The following RSPO1 variants were observed in gnomAD, a reference collection of about 807,000 sequenced individuals.
The protein encoded by RSPO1 is R-spondin-1.
A neutral mutation model predicts 26.0 loss-of-function variants in RSPO1; 18 were observed. The ratio of observed to expected loss-of-function variants is 0.69; its 90% confidence interval spans 0.48 to 1.03. The LOEUF (loss-of-function observed/expected upper bound fraction) is 1.03. Ranked by LOEUF, RSPO1 falls within the 50% of genes least tolerant of loss-of-function variation. The pLI is 0.00. For synonymous variants in RSPO1, 133 were observed against 137.4 expected, an observed-to-expected ratio of 0.97 and a Z score of 0.22; for missense variants, 309 against 352.3, an observed-to-expected ratio of 0.88 and a Z score of 0.98.
intron 3 of RSPO1, among the ~76,000 whole-genome samples, chr1:37,627,681 A>G (rs968097027): frequency 6.6e-6 from 1 of 151,784 alleles, no homozygotes; most frequent in Non-Finnish European, 1.5e-5. Flanking sequence ...AAACAAAACA[A>G]AACAAAACAA....
At position 37,613,989 on chromosome 1, in the gene RSPO1, T is replaced by G. The variant is rs1644068626; in HGVS notation, c.437-97A>C. On this transcript the variant is annotated intron_variant, in intron 5 of 6. Transcript: ENST00000356545. The surrounding 1 kb of genome is among the most constrained non-coding windows in gnomAD (Gnocchi z 4.5). ...TAGCCCAGGGGAGCATCTCCCACTT[T>G]CCTTCTGCCTGGACCTGAGGCTGCA... The G allele has an allele frequency of 1.1e-5, 16 of 1,440,132 alleles. No individual in the cohort carries two copies. Among genetic ancestry groups the G allele is most frequent in the Admixed American group, 1.7e-5 (1 of 58,460 alleles). The allele number at this position is 1,440,132 out of a possible 1,614,324, so 89.2% of individuals were successfully genotyped here. A position where few individuals can be genotyped will look rare whatever the true frequency, so the allele number is the denominator to read the frequency against.
chr1:37,630,819 C>A (rs747006695), intron 2 of RSPO1, among the ~76,000 whole-genome samples: 1 of 152,218 alleles, frequency 6.6e-6, no homozygotes, highest in African/African-American at 2.4e-5. Flanking sequence ...GGCCTGCCCA[C>A]GCACACCCCA....
chr1:37,622,595 G>A (rs773633565), intron 3 of RSPO1, among the ~76,000 whole-genome samples: 8 of 152,228 alleles, frequency 5.3e-5, no homozygotes, highest in Non-Finnish European at 1.0e-4. Flanking sequence ...CAACAGCTAG[G>A]CAAGAGGAAG....
Position 37,613,771 on chromosome 1 carries a change from G to C in RSPO1, c.558C>G (p.Asp186Glu), listed in dbSNP as rs1289033140. ...CCTTGGTGTCAGAGCAGGCAGCATG[G>C]TCCCCCACAGGGGCATGTAGCACCC... ...TRRVLHAPVG[D>E]HAACSDTKET... Residue 186 changes from aspartate (D) to glutamate (E), a missense_variant, in exon 6 of 7, where the codon GAC becomes GAG. Coordinates refer to ENST00000356545, the MANE Select transcript of RSPO1 (RefSeq NM_001242908.2). This position sits in a 1 kb window ranked among gnomAD's most constrained non-coding sequence, Gnocchi z 4.5. 6.2e-7 allele frequency: 1 copy of C among 1,613,970 alleles called. No homozygotes were observed. Among genetic ancestry groups the C allele is most frequent in the Non-Finnish European group, 8.5e-7 (1 of 1,179,968 alleles).
Position 37,622,207 on chromosome 1 carries a change from G to A in RSPO1, c.95-5532C>T, listed in dbSNP as rs146120046. Among the ~76,000 whole-genome samples, 118 of 152,304 alleles carry A rather than the reference G, an allele frequency of 7.7e-4. 1 individual carries two copies. The highest frequency in any genetic ancestry group is 2.7e-3 in the African/African-American group (112 of 41,566). The stretch of plus-strand genomic sequence containing the variant: ...ACTCAGAAGAGAGAGGCATCAACAC[G>A]ACAATTGCTTCTGAGATGTCATGTG... On this transcript the variant is annotated intron_variant, in intron 3 of 6. Transcript: ENST00000356545.
chr1:37,613,368 C>T lies in RSPO1; in HGVS notation c.625+336G>A, dbSNP rs1017308478. ...AGGCTGTGTGACTTTGGTGGAATCA[C>T]TACACCCCTCTGGGTCTTAGTGCCC... On this transcript the variant is annotated intron_variant, in intron 6 of 6. Coordinates refer to ENST00000356545, the MANE Select transcript of RSPO1 (RefSeq NM_001242908.2). The surrounding 1 kb of genome is among the most constrained non-coding windows in gnomAD (Gnocchi z 4.5). Among the ~76,000 whole-genome samples the T allele has an allele frequency of 1.3e-5, 2 of 152,254 alleles. No individual in the cohort carries two copies. The highest frequency in any genetic ancestry group is 6.5e-5 in the Admixed American group (1 of 15,288).
intron 3 of RSPO1, 85 bp from the exon 4 acceptor site, chr1:37,616,760 A>G: frequency 8.0e-7 from 1 of 1,245,318 alleles, no homozygotes; most frequent in Non-Finnish European, 1.2e-6. Flanking sequence ...AAGTGAATAG[A>G]TCGATGTTTC....
intron 3 of RSPO1, 57 bp from the exon 4 acceptor site, chr1:37,616,732 G>T: frequency 6.8e-7 from 1 of 1,461,298 alleles, no homozygotes; most frequent in Non-Finnish European, 9.6e-7. Context: ...CACCTATCCA[G>T]ATTCTGACAA....
At chr1:37,631,391 G>A (rs1254652923) in intron 2 of RSPO1, among the ~76,000 whole-genome samples, 1 of 152,050 alleles carries the variant, frequency 6.6e-6, no homozygotes, top group African/African-American at 2.4e-5. Flanking sequence ...CGCCCCTCCA[G>A]TACTCCCTGC....
At chr1:37,619,262 G>A (rs929353156) in intron 3 of RSPO1, among the ~76,000 whole-genome samples, 3 of 152,150 alleles carry the variant, frequency 2.0e-5, no homozygotes, top group Admixed American at 6.6e-5. Flanking sequence ...GCCAGGGAGA[G>A]AGGAGCTGCA....
intron 1 of RSPO1, among the ~76,000 whole-genome samples, chr1:37,632,586 C>G (rs149969086): frequency 2.2e-4 from 33 of 152,316 alleles, no homozygotes; most frequent in African/African-American, 7.9e-4. Flanking sequence ...CTAAAGGGAG[C>G]ATATGCCGTT....
intron 3 of RSPO1, among the ~76,000 whole-genome samples, chr1:37,619,497 C>G (rs950786465): frequency 1.3e-4 from 20 of 152,216 alleles, no homozygotes; most frequent in African/African-American, 4.8e-4. Flanking sequence ...CTGCAGGAAT[C>G]ATTCCTGGTT....
Position 37,612,675 on chromosome 1 carries a change from C to A in RSPO1, c.*80G>T. ...GTGTGTGTGTATGCTTTGCCCCCGA[C>A]GTTCCAGTTCAGGAAAGCTTGAATC... On this transcript the variant is annotated 3_prime_UTR_variant, in exon 7 of 7. Transcript: ENST00000356545. The A allele has an allele frequency of 6.7e-7, 1 of 1,484,260 alleles. No homozygotes were observed. Among genetic ancestry groups the A allele is most frequent in the Non-Finnish European group, 9.3e-7 (1 of 1,075,260 alleles). 91.9% of individuals were successfully genotyped at this position (1,484,260 alleles called of 1,614,324 possible).
rs1225597324 is a variant in RSPO1, at chr1:37,613,923, G to A, written c.437-31C>T. ...AGGAAGAGAAGGGAAGGGAGAGAAGGACAAGGAGGAGGGGATCATGTCTCC... is the reference window on the plus strand; with the variant it reads ...AGGAAGAGAAGGGAAGGGAGAGAAGAACAAGGAGGAGGGGATCATGTCTCC... On this transcript the variant is annotated intron_variant, in intron 5 of 6. Coordinates refer to ENST00000356545, the MANE Select transcript of RSPO1 (RefSeq NM_001242908.2). This position sits in a 1 kb window ranked among gnomAD's most constrained non-coding sequence, Gnocchi z 4.5. 2.5e-6 allele frequency: 4 copies of A among 1,609,972 alleles called. 1 individual carries two copies. The Middle Eastern group carries it at 5.1e-4, about 204-fold the overall frequency.
chr1:37,618,895 A>G (rs1644157582), intron 3 of RSPO1, among the ~76,000 whole-genome samples: 1 of 152,082 alleles, frequency 6.6e-6, no homozygotes, highest in Non-Finnish European at 1.5e-5. Context: ...GTATCATGCT[A>G]AGGAACTTGA....
intron 3 of RSPO1, among the ~76,000 whole-genome samples, chr1:37,627,246 A>T (rs1644290675): frequency 6.6e-6 from 1 of 152,052 alleles, no homozygotes; most frequent in Non-Finnish European, 1.5e-5. Context: ...CGCTTGTCTT[A>T]TCGAGAGGCC....
At position 37,634,051 on chromosome 1, in the gene RSPO1, G is replaced by A. The variant is rs2148190774; in HGVS notation, c.-356+515C>T. ...CTCTCCCCAACTAAGCGATACCATC[G>A]GTTCCTGAGCGCCAGACCCCGAGGG... On this transcript the variant is annotated intron_variant, in intron 1 of 6. Transcript: ENST00000356545. The surrounding 1 kb of genome is among the most constrained non-coding windows in gnomAD (Gnocchi z 4.7). Among the ~76,000 whole-genome samples the A allele has an allele frequency of 6.6e-6, 1 of 152,266 alleles. No individual in the cohort carries two copies. Among genetic ancestry groups the A allele is most frequent in the Non-Finnish European group, 1.5e-5 (1 of 68,020 alleles).
At chr1:37,628,308 C>A (rs536514874) in intron 3 of RSPO1, among the ~76,000 whole-genome samples, 2 of 152,338 alleles carry the variant, frequency 1.3e-5, no homozygotes, top group African/African-American at 4.8e-5. Context: ...AAAATCAAGG[C>A]CTTGCTGCTG....
chr1:37,613,980 C>T lies in RSPO1; in HGVS notation c.437-88G>A. The T allele has an allele frequency of 2.0e-6, 3 of 1,473,294 alleles. No homozygotes were observed. The South Asian group carries it at 3.4e-5, about 17-fold the overall frequency. The allele number at this position is 1,473,294 out of a possible 1,614,324, so 91.3% of individuals were successfully genotyped here. A position where few individuals can be genotyped will look rare whatever the true frequency, so the allele number is the denominator to read the frequency against. ...GGCCCAGAATAGCCCAGGGGAGCAT[C>T]TCCCACTTTCCTTCTGCCTGGACCT... On this transcript the variant is annotated intron_variant, in intron 5 of 6. Transcript: ENST00000356545. This position sits in a 1 kb window ranked among gnomAD's most constrained non-coding sequence, Gnocchi z 4.5.
Sources: gnomAD v4.1 joint callset for allele counts (sites outside exome capture counted in the v4.1 genomes callset) on GRCh38, gnomAD v4.1.1 for gene constraint, Gnocchi (gnomAD v3.1) non-coding constraint, MANE v1.5 for transcripts, NCBI Gene and HGNC (gene_info 2026-07-23, HGNC 2026-07-21) for gene names.